The following ZNF486 variants were observed in gnomAD, a reference collection of about 807,000 sequenced individuals.
The protein encoded by ZNF486 is KRAB box only protein 2.
Under a neutral mutation model 12.8 loss-of-function variants are expected in ZNF486, and 12 were observed. The ratio of observed to expected loss-of-function variants is 0.94; its 90% CI spans 0.60 to 1.52. The LOEUF is 1.52. Ranked by LOEUF, ZNF486 falls within the 40% of genes most tolerant of loss-of-function variation. The pLI, the probability that ZNF486 is intolerant of heterozygous loss-of-function variation, is 0.00. For synonymous variants in ZNF486, 231 were observed against 184.9 expected, an observed-to-expected ratio of 1.25 and a Z score of -2.02; for missense variants, 738 against 545.0, an observed-to-expected ratio of 1.35 and a Z score of -3.53.
At chr19:20,192,078 A>G (rs1348996115) in intron 3 of ZNF486, among the ~76,000 whole-genome samples, 3 of 152,172 alleles carry the variant, frequency 2.0e-5, no homozygotes, top group Admixed American at 1.3e-4. Context: ...ATAATATAAT[A>G]TCATTCTTTG....
intron 3 of ZNF486, 129 bp from the exon 4 acceptor site, chr19:20,196,835 A>G (rs2089962963): frequency 8.1e-7 from 1 of 1,232,126 alleles, no homozygotes; most frequent in Non-Finnish European, 1.1e-6. Flanking sequence ...CCAGGAAGAA[A>G]TTACAGCTTG....
intron 1 of ZNF486, among the ~76,000 whole-genome samples, chr19:20,170,218 C>A (rs1411902500): frequency 6.6e-6 from 1 of 151,394 alleles, no homozygotes; most frequent in Non-Finnish European, 1.5e-5. Flanking sequence ...TATGTTGACT[C>A]AGACTGAGGG....
chr19:20,174,292 C>G (rs1282948805), intron 1 of ZNF486, among the ~76,000 whole-genome samples: 4 of 152,140 alleles, frequency 2.6e-5, no homozygotes, highest in African/African-American at 9.7e-5. Context: ...TTGTGCCTGG[C>G]TTTCTATTTA....
rs782268399 is a variant in ZNF486 at position 20,197,527 on chromosome 19, A to G, written c.817A>G (p.Lys273Glu). 1.1e-5 allele frequency: 17 copies of G among 1,612,560 alleles called. No homozygotes were observed. The highest frequency in any genetic ancestry group is 1.4e-5 in the Non-Finnish European group (16 of 1,179,350). The change falls in exon 4 of 4, where the codon AAA becomes GAA. Residue 273 changes from lysine (K) to glutamate (E), a missense_variant. Coordinates refer to ENST00000335117, the MANE Select transcript of ZNF486 (RefSeq NM_052852.4). Reference protein sequence around the residue: ...EKPYICEECGKAFMYPYTLTT... With the variant: ...EKPYICEECGEAFMYPYTLTT... ...ACCCTACATTTGTGAAGAATGTGGCAAAGCCTTTATGTACCCCTATACCCT... is the reference window on the plus strand; with the variant it reads ...ACCCTACATTTGTGAAGAATGTGGCGAAGCCTTTATGTACCCCTATACCCT...
intron 1 of ZNF486, among the ~76,000 whole-genome samples, chr19:20,177,509 T>C (rs375985251): frequency 6.6e-6 from 1 of 152,246 alleles, no homozygotes; most frequent in Non-Finnish European, 1.5e-5. Flanking sequence ...GTTGACCATC[T>C]TTCTGTCATT....
At position 20,167,247 on chromosome 19, in the gene ZNF486, C is replaced by T; in HGVS notation, c.-84C>T. 3 of 1,576,766 alleles carry T rather than the reference C, an allele frequency of 1.9e-6. No homozygotes were observed. The highest frequency in any genetic ancestry group is 1.1e-5 in the South Asian group (1 of 90,266). On this transcript the variant is annotated 5_prime_UTR_variant, in exon 1 of 4. Transcript: ENST00000335117. Reference sequence around the variant, plus strand: ...CTGCATCTGGAGCTCTAGGTCGCCTCTTCGCTACTCTGTGTCCTCTGCTCC... The same window carrying T: ...CTGCATCTGGAGCTCTAGGTCGCCTTTTCGCTACTCTGTGTCCTCTGCTCC...
intron 3 of ZNF486, among the ~76,000 whole-genome samples, chr19:20,194,414 C>T (rs185385714): frequency 7.2e-5 from 11 of 152,144 alleles, no homozygotes; most frequent in South Asian, 2.1e-4. Flanking sequence ...TTTTTTCTGA[C>T]GTGTAAGAAT....
At position 20,189,142 on chromosome 19, in the gene ZNF486, T is replaced by C; in HGVS notation, c.253+3060T>C. On this transcript the variant is annotated intron_variant, in intron 3 of 3. Transcript: ENST00000335117. ...CAGGCTGAAGTGCAGTGGTGTGATATCAGCTCACTGAAACCTCTGCCTCCT... is the reference window on the plus strand; with the variant it reads ...CAGGCTGAAGTGCAGTGGTGTGATACCAGCTCACTGAAACCTCTGCCTCCT... Among the ~76,000 whole-genome samples, 2 of 152,156 alleles carry C rather than the reference T, an allele frequency of 1.3e-5. 1 individual carries two copies. Among genetic ancestry groups the C allele is most frequent in the Non-Finnish European group, 2.9e-5 (2 of 68,032 alleles).
Position 20,197,128 on chromosome 19 carries a change from A to G in ZNF486, c.418A>G (p.Asn140Asp). The G allele has an allele frequency of 3.1e-6, 5 of 1,613,962 alleles. No individual in the cohort carries two copies. The highest frequency in any genetic ancestry group is 4.2e-6 in the Non-Finnish European group (5 of 1,179,966). Residue 140 changes from asparagine (N) to aspartate (D), a missense_variant, in exon 4 of 4, where the codon AAT becomes GAT. Physicochemically the swap from Asn to Asp is conservative, Grantham distance 23. Transcript: ENST00000335117. The part of the protein sequence containing the change: ...DECKLHKRGY[N>D]GLNQCLTTTQ... Reference sequence around the variant, plus strand: ...GTGTAAGTTACACAAAAGAGGTTATAATGGACTTAACCAATGTTTGACAAC... The same window carrying G: ...GTGTAAGTTACACAAAAGAGGTTATGATGGACTTAACCAATGTTTGACAAC...
rs1568323180 is a variant in ZNF486 at position 20,186,040 on chromosome 19, CCT to C, written c.214_215del (p.Leu72AspfsTer6). 1.3e-6 allele frequency: 2 copies of C among 1,594,360 alleles called. No homozygotes were observed. Among genetic ancestry groups the C allele is most frequent in the Admixed American group, 1.8e-5 (1 of 56,672 alleles). On this transcript the variant is annotated frameshift_variant, in exon 3 of 4. Transcript: ENST00000335117. LOFTEE classifies it low-confidence loss of function (END_TRUNC). ...CACCTGTCTGGAGCAAGGAATAAAA[CCT>C]CTGACTATGAAGAGACATGAGATGA... The part of the protein sequence containing the change: ...LITCLEQGIK[P>X]LTMKRHEMIA...
intron 1 of ZNF486, among the ~76,000 whole-genome samples, chr19:20,183,692 TATTC>T (rs1480184522): frequency 4.1e-5 from 5 of 121,514 alleles, no homozygotes; most frequent in Non-Finnish European, 6.1e-5. Flanking sequence ...ATTATTTTTC[TATTC>T]ATTATTATGT....
chr19:20,197,745 G>A lies in ZNF486; in HGVS notation c.1035G>A (p.Thr345=), dbSNP rs184835961. 84 of 1,601,448 alleles carry A rather than the reference G, an allele frequency of 5.2e-5. 1 individual carries two copies. The highest frequency in any genetic ancestry group is 2.4e-4 in the South Asian group (22 of 90,296). ...SILSKHEKIH[T]GEKPYKCEEC... ...TTAGTAAACATGAGAAGATTCATAC[G>A]GGAGAGAAACCCTACAAATGTGAAG... The change falls in exon 4 of 4, where the codon ACG becomes ACA. Residue 345 remains threonine (T), a synonymous_variant. Transcript: ENST00000335117.
At chr19:20,167,429 C>A in intron 1 of ZNF486, 69 bp downstream of exon 1, 1 of 1,548,560 alleles carries the variant, frequency 6.5e-7, no homozygotes. Context: ...TGTGGAGGGA[C>A]TCAGGCCTCC....
At chr19:20,195,698 C>G (rs1166426072) in intron 3 of ZNF486, among the ~76,000 whole-genome samples, 2 of 152,140 alleles carry the variant, frequency 1.3e-5, no homozygotes, top group Non-Finnish European at 2.9e-5. Context: ...GGGAATTTTT[C>G]AAACATGTTT....
At chr19:20,180,895 C>A (rs947857852) in intron 1 of ZNF486, among the ~76,000 whole-genome samples, 1 of 152,014 alleles carries the variant, frequency 6.6e-6, no homozygotes, top group Non-Finnish European at 1.5e-5. Context: ...CCTAGAAAAC[C>A]TTAAGGGATT....
intron 2 of ZNF486, 36 bp downstream of exon 2, chr19:20,184,518 C>T (rs781887152): frequency 2.1e-5 from 33 of 1,535,736 alleles, no homozygotes; most frequent in South Asian, 2.0e-4. Context: ...CATAAAAAAC[C>T]CCAAAAGTTT....
rs868978869 is a variant in ZNF486, at chr19:20,197,757, C to G, written c.1047C>G (p.Pro349=). 5.6e-6 allele frequency: 9 copies of G among 1,612,824 alleles called. No homozygotes were observed. In the South Asian group the frequency reaches 8.8e-5, roughly 16 times the overall value. The change falls in exon 4 of 4, where the codon CCC becomes CCG. Residue 349 remains proline, a synonymous_variant. Coordinates refer to ENST00000335117, the MANE Select transcript of ZNF486 (RefSeq NM_052852.4). ...KHEKIHTGEK[P]YKCEECGKAF... Reference sequence around the variant, plus strand: ...AGAAGATTCATACGGGAGAGAAACCCTACAAATGTGAAGAATGTGGCAAAG... The same window carrying G: ...AGAAGATTCATACGGGAGAGAAACCGTACAAATGTGAAGAATGTGGCAAAG...
rs2089993100 is a variant in ZNF486, at chr19:20,199,430, T to G, written c.*1328T>G. On this transcript the variant is annotated 3_prime_UTR_variant, in exon 4 of 4. Coordinates refer to ENST00000335117, the MANE Select transcript of ZNF486 (RefSeq NM_052852.4). ...CAAATGTAATGAGTTTGGAAACACT[T>G]CTTAGATAAATTATTTGTGGCTGGG... The G allele has an allele frequency of 6.6e-6, 1 of 152,176 alleles. No individual in the cohort carries two copies. The highest frequency in any genetic ancestry group is 2.4e-5 in the African/African-American group (1 of 41,456). The allele number at this position is 152,176 out of a possible 1,614,324, so 9.4% of individuals were successfully genotyped here.
chr19:20,179,625 C>T (rs2089762480), intron 1 of ZNF486, among the ~76,000 whole-genome samples: 1 of 151,884 alleles, frequency 6.6e-6, no homozygotes, highest in Non-Finnish European at 1.5e-5. Context: ...TAAGGTCTGC[C>T]CTCTGCCTGG....
Sources: gnomAD v4.1 joint callset for allele counts (sites outside exome capture counted in the v4.1 genomes callset) on GRCh38, gnomAD v4.1.1 for gene constraint, MANE v1.5 for transcripts, NCBI Gene and HGNC (gene_info 2026-07-23, HGNC 2026-07-21) for gene names.